CTIF: variants seen among roughly 807,000 people sequenced by gnomAD.
CTIF encodes CBP80/20-dependent translation initiation factor.
In CTIF, 21 loss-of-function variants were observed where a neutral mutation model predicts 66.0. The observed-to-expected ratio is 0.32, with a 90% CI of 0.23 to 0.46. The LOEUF is 0.46. Among genes scored for constraint, CTIF ranks in the 20% least tolerant of loss-of-function variants. The pLI is 1.00. For missense variants in CTIF, 739 were observed against 812.7 expected (o/e 0.91, Z 1.10); for synonymous variants, 345 against 326.4 (o/e 1.06, Z -0.62).
At chr18:48,582,282 T>C (rs138197473) in intron 1 of CTIF, among the ~76,000 whole-genome samples, 249 of 151,620 alleles carry the variant, frequency 1.6e-3, no homozygotes, top group African/African-American at 5.9e-3. Context: ...CTGGCTTCCA[T>C]GGGGCAGGGC....
intron 2 of CTIF, among the ~76,000 whole-genome samples, chr18:48,632,330 C>T (rs144265795): frequency 4.1e-4 from 62 of 152,286 alleles, no homozygotes; most frequent in East Asian, 4.1e-3. Flanking sequence ...CACAGTCACA[C>T]GCAGGGCCAC....
At chr18:48,618,004 A>C (rs2090428309) in intron 1 of CTIF, among the ~76,000 whole-genome samples, 1 of 152,232 alleles carries the variant, frequency 6.6e-6, no homozygotes, top group South Asian at 2.1e-4. Context: ...TGTGCACAGC[A>C]GGGCGGTTCT....
intron 1 of CTIF, among the ~76,000 whole-genome samples, chr18:48,596,581 G>A (rs991900917): frequency 6.6e-6 from 1 of 151,614 alleles, no homozygotes; most frequent in African/African-American, 2.4e-5. Context: ...GGGTTCAAAC[G>A]ATTCTCCTGC....
chr18:48,589,945 C>T (rs374570762), intron 1 of CTIF, among the ~76,000 whole-genome samples: 24 of 152,236 alleles, frequency 1.6e-4, no homozygotes, highest in African/African-American at 1.7e-4. Context: ...TGCGGTCATG[C>T]GTCCCTCACT....
intron 9 of CTIF, among the ~76,000 whole-genome samples, 184 bp from the exon 10 acceptor site, chr18:48,817,037 G>A (rs1398280341): frequency 6.6e-6 from 1 of 152,146 alleles, no homozygotes; most frequent in Non-Finnish European, 1.5e-5. Flanking sequence ...AGGTGTTATG[G>A]CCCCAGGTCA....
chr18:48,597,883 G>C (rs2090015539), intron 1 of CTIF, among the ~76,000 whole-genome samples: 1 of 152,238 alleles, frequency 6.6e-6, no homozygotes, highest in Non-Finnish European at 1.5e-5. Context: ...CCAACGCTGG[G>C]TGTTCTCTTT....
chr18:48,741,274 GCC>G lies in CTIF; in HGVS notation c.585-16641_585-16640del, dbSNP rs759009342. ...CCAGCCAGGGTCTGCTCTTTACTCTGCCCCCGCCCCCCCTCCTTGGTACATGT... is the reference window on the plus strand; with the variant it reads ...CCAGCCAGGGTCTGCTCTTTACTCTGCCCGCCCCCCCTCCTTGGTACATGT... On this transcript the variant is annotated intron_variant, in intron 7 of 11. Transcript: ENST00000256413. Among the ~76,000 whole-genome samples the G allele has an allele frequency of 4.2e-3, 421 of 100,032 alleles. 4 individuals carry two copies. The highest frequency in any genetic ancestry group is 0.014 in the African/African-American group (401 of 28,450). 65.6% of individuals were successfully genotyped at this position (100,032 alleles called of 152,430 possible).
intron 6 of CTIF, among the ~76,000 whole-genome samples, chr18:48,703,314 G>A (rs1216112077): frequency 6.6e-6 from 1 of 152,176 alleles, no homozygotes; most frequent in Non-Finnish European, 1.5e-5. Context: ...GAGGGAGCAG[G>A]GTTGGAGCTG....
chr18:48,653,987 A>G (rs1300923396), intron 3 of CTIF, among the ~76,000 whole-genome samples: 1 of 152,216 alleles, frequency 6.6e-6, no homozygotes, highest in Non-Finnish European at 1.5e-5. Context: ...AAGATGGATT[A>G]AAGACTTAAA....
intron 6 of CTIF, among the ~76,000 whole-genome samples, chr18:48,682,281 AAC>A (rs1297092554): frequency 6.6e-6 from 1 of 152,174 alleles, no homozygotes; most frequent in Non-Finnish European, 1.5e-5. Flanking sequence ...CTCTCCCTGA[AAC>A]ACACATGATC....
chr18:48,785,723 A>G (rs1911643589), intron 9 of CTIF, among the ~76,000 whole-genome samples: 1 of 152,164 alleles, frequency 6.6e-6, no homozygotes, highest in East Asian at 1.9e-4. Context: ...CCTTTGGTAA[A>G]CAGTATCAAC....
intron 7 of CTIF, among the ~76,000 whole-genome samples, chr18:48,721,745 G>A (rs562153216): frequency 7.1e-6 from 1 of 140,600 alleles, no homozygotes; most frequent in African/African-American, 2.9e-5. Context: ...CTCAGAGAAC[G>A]TGCATCCCCC....
chr18:48,580,733 C>T (rs1436938516), intron 1 of CTIF, among the ~76,000 whole-genome samples: 1 of 152,210 alleles, frequency 6.6e-6, no homozygotes, highest in Non-Finnish European at 1.5e-5. Context: ...TCCCAGTGTG[C>T]AGGGCTCCTC....
chr18:48,658,183 GTA>G (rs2091276247), intron 3 of CTIF, among the ~76,000 whole-genome samples: 1 of 151,968 alleles, frequency 6.6e-6, no homozygotes, highest in Admixed American at 6.6e-5. Context: ...TGTGTGAGGT[GTA>G]TATGTGTGTG....
intron 10 of CTIF, among the ~76,000 whole-genome samples, chr18:48,821,157 G>A (rs1398821287): frequency 1.3e-5 from 2 of 152,142 alleles, no homozygotes; most frequent in African/African-American, 2.4e-5. Context: ...TTTCTGTGTG[G>A]CACCCCCTCA....
intron 1 of CTIF, among the ~76,000 whole-genome samples, chr18:48,614,795 GC>G (rs1301207010): frequency 6.6e-6 from 1 of 152,180 alleles, no homozygotes; most frequent in East Asian, 1.9e-4. Flanking sequence ...TGTACTTAAA[GC>G]CACTGAATTA....
At chr18:48,584,274 T>C (rs1223525203) in intron 1 of CTIF, among the ~76,000 whole-genome samples, 1 of 152,224 alleles carries the variant, frequency 6.6e-6, no homozygotes, top group Admixed American at 6.5e-5. Context: ...TAGTATAAGA[T>C]GGGAAGCCTT....
rs546186863 is a variant in CTIF, at chr18:48,810,914, A to T, written c.1372-6307A>T. Among the ~76,000 whole-genome samples, 136 of 151,668 alleles carry T rather than the reference A, an allele frequency of 9.0e-4. 1 individual carries two copies. The highest frequency in any genetic ancestry group is 3.1e-3 in the African/African-American group (130 of 41,430). ...TTTTCATTTGCTCACTCTTGTTTTT[A>T]CCCATCCATTTATTTTTTTATATCC... On this transcript the variant is annotated intron_variant, in intron 9 of 11. Coordinates refer to ENST00000256413, the MANE Select transcript of CTIF (RefSeq NM_014772.3).
In CTIF at chr18:48,676,815, C is replaced by T. The variant is rs1427242636; in HGVS notation, c.507+6071C>T. 3.3e-5 allele frequency among the ~76,000 whole-genome samples: 5 copies of T among 151,852 alleles called. 1 individual carries two copies. The highest frequency in any genetic ancestry group is 3.3e-4 in the Admixed American group (5 of 15,256). On this transcript the variant is annotated intron_variant, in intron 6 of 11. Transcript: ENST00000256413. ...TGGCCCTGGATGATAACAGAGAGATCCTCCCCACTACCTCTCTAAAGAATC... is the reference window on the plus strand; with the variant it reads ...TGGCCCTGGATGATAACAGAGAGATTCTCCCCACTACCTCTCTAAAGAATC...
Sources: allele counts gnomAD v4.1 joint callset (sites outside exome capture counted in the v4.1 genomes callset), GRCh38; gene constraint gnomAD v4.1.1; transcripts MANE v1.5; gene names NCBI Gene and HGNC (gene_info 2026-07-23, HGNC 2026-07-21).